The following GPHN variants were observed in gnomAD, a reference collection of about 807,000 sequenced individuals.
The protein encoded by GPHN is gephyrin.
Under a neutral mutation model 95.5 loss-of-function variants are expected in GPHN, and 17 were observed. The ratio of observed to expected loss-of-function variants is 0.18; its 90% CI spans 0.12 to 0.27. GPHN has a LOEUF of 0.27. Among genes scored for constraint, GPHN ranks in the 10% least tolerant of loss-of-function variants. The pLI is 1.00. For synonymous variants in GPHN, 320 were observed against 322.5 expected (o/e 0.99, Z 0.08); for missense variants, 660 against 978.1 (o/e 0.67, Z 4.34).
intron 1 of GPHN, among the ~76,000 whole-genome samples, chr14:66,643,654 A>G (rs1479555098): frequency 6.6e-6 from 1 of 152,018 alleles, no homozygotes; most frequent in Non-Finnish European, 1.5e-5. Flanking sequence ...ATTCATTTTT[A>G]TAAAGTTCAG....
chr14:67,212,460 A>G, the GPHN span, among the ~76,000 whole-genome samples: 1 of 151,428 alleles, frequency 6.6e-6, no homozygotes, highest in Admixed American at 6.6e-5. Flanking sequence ...GCATGGTGGC[A>G]TGTGCCTGTA....
At chr14:66,754,786 C>T (rs1396920076) in intron 2 of GPHN, among the ~76,000 whole-genome samples, 2 of 151,904 alleles carry the variant, frequency 1.3e-5, no homozygotes, top group Admixed American at 6.6e-5. Flanking sequence ...GAGAAGTTGT[C>T]ATTATATCTC....
the GPHN span, among the ~76,000 whole-genome samples, chr14:67,683,051 A>G: frequency 6.6e-6 from 1 of 152,256 alleles, no homozygotes. Flanking sequence ...GACATAAAGC[A>G]GACTAGTGGT....
intron 9 of GPHN, among the ~76,000 whole-genome samples, chr14:67,020,107 C>T (rs2073528913): frequency 6.6e-6 from 1 of 152,162 alleles, no homozygotes; most frequent in South Asian, 2.1e-4. Context: ...ATTAAATCTT[C>T]TGTGTCTTGA....
At chr14:67,333,259 T>G in the GPHN span, 12 of 216,024 alleles carry the variant, frequency 5.6e-5, no homozygotes, top group Non-Finnish European at 7.4e-5. Context: ...CTAAACCCTT[T>G]CTGCTTAGTT....
chr14:67,112,976 GT>G, intron 15 of GPHN, 41 bp from the exon 16 acceptor site: 1 of 1,593,884 alleles, frequency 6.3e-7, no homozygotes, highest in Non-Finnish European at 8.6e-7. Context: ...AGAAAATGTT[GT>G]TCTCTAATCA....
At chr14:66,878,260 A>G (rs543592397) in intron 4 of GPHN, among the ~76,000 whole-genome samples, 5 of 152,212 alleles carry the variant, frequency 3.3e-5, no homozygotes, top group Admixed American at 6.5e-5. Context: ...AAGACCTAAA[A>G]CTATAAAAAC....
At chr14:67,144,526 G>GCCAGCTGATAATCCTTTTCCATGTTTTC (rs1226815783) in intron 18 of GPHN, among the ~76,000 whole-genome samples, 5 of 151,524 alleles carry the variant, frequency 3.3e-5, no homozygotes, top group Non-Finnish European at 7.4e-5. Context: ...AAAATGTTTT[G>GCCAGCTGATAATCCTTTTCCATGTTTTC]CCAGCTGATA....
At chr14:67,048,779 T>C (rs191075563) in intron 10 of GPHN, among the ~76,000 whole-genome samples, 3 of 152,386 alleles carry the variant, frequency 2.0e-5, no homozygotes, top group Admixed American at 2.0e-4. Flanking sequence ...TTCTCTTGAA[T>C]GCTATGATCT....
chr14:66,659,183 C>T lies in GPHN; in HGVS notation c.65-21924C>T, dbSNP rs182189674. ...GAGTGTGTGTGTGTGTTTGTGTGCA[C>T]GCGTTTAATTTCTCTTGAGATGTGC... is the stretch of plus-strand genomic sequence containing the variant. On this transcript the variant is annotated intron_variant, in intron 1 of 22. Coordinates refer to ENST00000478722, the MANE Select transcript of GPHN (RefSeq NM_020806.5). 1.6e-4 allele frequency among the ~76,000 whole-genome samples: 24 copies of T among 150,784 alleles called. No individual in the cohort carries two copies. In the East Asian group the frequency reaches 3.1e-3, roughly 20 times the overall value.
the GPHN span, among the ~76,000 whole-genome samples, chr14:67,195,075 C>T: frequency 2.6e-5 from 4 of 152,292 alleles, no homozygotes; most frequent in South Asian, 8.3e-4. Flanking sequence ...TATCTCAAAT[C>T]ACAGTTACAA....
intron 4 of GPHN, among the ~76,000 whole-genome samples, chr14:66,858,247 A>G (rs1281581717): frequency 6.6e-6 from 1 of 151,742 alleles, no homozygotes; most frequent in Non-Finnish European, 1.5e-5. Context: ...CATAGCTCAC[A>G]GCTCCAAAAG....
At chr14:67,003,895 GTGAC>G (rs2072418164) in intron 9 of GPHN, among the ~76,000 whole-genome samples, 1 of 151,588 alleles carries the variant, frequency 6.6e-6, no homozygotes, top group African/African-American at 2.4e-5. Context: ...AAACAGATAT[GTGAC>G]TGACTGTGAT....
At chr14:66,570,156 T>C (rs1207588811) in intron 1 of GPHN, among the ~76,000 whole-genome samples, 1 of 152,158 alleles carries the variant, frequency 6.6e-6, no homozygotes, top group Admixed American at 6.5e-5. Context: ...TCTTCCAATG[T>C]ATATGTATAT....
the GPHN span, among the ~76,000 whole-genome samples, chr14:67,688,853 AAAG>A: frequency 3.3e-5 from 5 of 152,178 alleles, no homozygotes; most frequent in Admixed American, 2.0e-4. Flanking sequence ...AAACCAAACC[AAAG>A]AAGAGACTAT....
At chr14:67,392,658 T>A in the GPHN span, 35 of 1,607,984 alleles carry the variant, frequency 2.2e-5, no homozygotes, top group Non-Finnish European at 3.0e-5. Flanking sequence ...ACTCCCCAAC[T>A]TACAAAAGTG....
intron 9 of GPHN, among the ~76,000 whole-genome samples, chr14:66,979,978 G>A (rs1195292557): frequency 6.6e-6 from 1 of 152,094 alleles, no homozygotes; most frequent in Non-Finnish European, 1.5e-5. Context: ...CTGTGTAGCA[G>A]TCAGGGCACA....
the GPHN span, among the ~76,000 whole-genome samples, chr14:67,618,924 T>C: frequency 1.3e-5 from 2 of 152,206 alleles, no homozygotes; most frequent in Non-Finnish European, 2.9e-5. Context: ...AGTGTGTAAA[T>C]TGACATGAGG....
At chr14:66,812,561 G>C (rs929528815) in intron 3 of GPHN, among the ~76,000 whole-genome samples, 1 of 152,110 alleles carries the variant, frequency 6.6e-6, no homozygotes, top group Admixed American at 6.5e-5. Flanking sequence ...TGAGTGAAGA[G>C]ATAGGAAATC....
Sources: allele counts gnomAD v4.1 joint callset (sites outside exome capture counted in the v4.1 genomes callset), GRCh38; gene constraint gnomAD v4.1.1; transcripts MANE v1.5; gene names NCBI Gene and HGNC (gene_info 2026-07-23, HGNC 2026-07-21).